GNAI1: variants seen among roughly 807,000 people sequenced by gnomAD.
The protein encoded by GNAI1 is G protein subunit alpha i1.
A neutral mutation model predicts 38.9 loss-of-function variants in GNAI1; 11 were observed. The observed-to-expected ratio is 0.28, with a 90% CI of 0.18 to 0.47. The LOEUF (loss-of-function observed/expected upper bound fraction) is 0.47. Ranked by LOEUF, GNAI1 falls within the 20% of genes least tolerant of loss-of-function variation. The probability of loss-of-function intolerance (pLI) is 0.99; values close to 1 mark genes in which losing one functional copy is unlikely to be tolerated. For synonymous variants in GNAI1, 166 were observed against 145.1 expected (o/e 1.14, Z -1.04); for missense variants, 317 against 436.9 (o/e 0.73, Z 2.45).
intron 1 of GNAI1, 23 bp from the exon 2 acceptor site, chr7:80,188,928 C>T (rs757171743): frequency 3.3e-6 from 5 of 1,524,856 alleles, no homozygotes; most frequent in Non-Finnish European, 4.5e-6. Flanking sequence ...AAATTAGAAA[C>T]CTTTTATGTT....
intron 1 of GNAI1, among the ~76,000 whole-genome samples, chr7:80,169,762 T>A (rs1045784775): frequency 3.3e-5 from 5 of 152,208 alleles, no homozygotes; most frequent in Non-Finnish European, 5.9e-5. Flanking sequence ...GTGCAGCCAT[T>A]ACCATAATCA....
chr7:80,188,896 AT>A, intron 1 of GNAI1, 54 bp from the exon 2 acceptor site: 1 of 1,102,560 alleles, frequency 9.1e-7, no homozygotes, highest in Non-Finnish European at 1.4e-6. Context: ...TGGGAGTTGA[AT>A]ATACTTAAGT....
intron 1 of GNAI1, among the ~76,000 whole-genome samples, chr7:80,145,680 A>G (rs763009335): frequency 2.0e-5 from 3 of 152,044 alleles, no homozygotes; most frequent in Non-Finnish European, 2.9e-5. Flanking sequence ...TACCTATTTC[A>G]TAGTCTGAAA....
intron 3 of GNAI1, among the ~76,000 whole-genome samples, chr7:80,198,193 G>A (rs1483520540): frequency 1.3e-5 from 2 of 151,668 alleles, no homozygotes. Context: ...ACTTTGAATT[G>A]AAATGGGCTG....
chr7:80,217,742 T>G lies in GNAI1; in HGVS notation c.*249T>G. 3.6e-6 allele frequency: 1 copy of G among 277,756 alleles called. No homozygotes were observed. The allele number at this position is 277,756 out of a possible 1,614,324, so 17.2% of individuals were successfully genotyped here. A position where few individuals can be genotyped will look rare whatever the true frequency, so the allele number is the denominator to read the frequency against. On this transcript the variant is annotated 3_prime_UTR_variant, in exon 8 of 8. Transcript: ENST00000649796. ...AGCTGGGCTCTAGTATATTGATGATTTCTGCATAAGTGTAAATATGCAAAT... is the reference window on the plus strand; with the variant it reads ...AGCTGGGCTCTAGTATATTGATGATGTCTGCATAAGTGTAAATATGCAAAT...
chr7:80,218,654 A>G lies in GNAI1; in HGVS notation c.*1161A>G, dbSNP rs886696417. On this transcript the variant is annotated 3_prime_UTR_variant, in exon 8 of 8. Coordinates refer to ENST00000649796, the MANE Select transcript of GNAI1 (RefSeq NM_002069.6). ...AATGTAATTATCACACTATGTTAAA[A>G]TTACTTTTTTCCCTTAGATAATTCA... 6.6e-6 allele frequency: 1 copy of G among 152,188 alleles called. No homozygotes were observed. Among genetic ancestry groups the G allele is most frequent in the Non-Finnish European group, 1.5e-5 (1 of 68,022 alleles). The allele number at this position is 152,188 out of a possible 1,614,324, so 9.4% of individuals were successfully genotyped here.
chr7:80,212,417 A>G (rs934370201), intron 6 of GNAI1, among the ~76,000 whole-genome samples: 2 of 152,186 alleles, frequency 1.3e-5, no homozygotes, highest in Non-Finnish European at 2.9e-5. Context: ...TTCTTTTCAC[A>G]TGTTCACACT....
chr7:80,150,217 G>GA (rs1787699741), intron 1 of GNAI1, among the ~76,000 whole-genome samples: 1 of 151,960 alleles, frequency 6.6e-6, no homozygotes, highest in South Asian at 2.1e-4. Context: ...CATGTACCAG[G>GA]AAAAATATTT....
intron 1 of GNAI1, among the ~76,000 whole-genome samples, chr7:80,162,765 A>G (rs986947390): frequency 6.6e-6 from 1 of 152,152 alleles, no homozygotes; most frequent in African/African-American, 2.4e-5. Context: ...ATTCAGCCAC[A>G]CACTGGGATT....
At position 80,219,956 on chromosome 7, in the gene GNAI1, T is replaced by A. The variant is rs1301430682; in HGVS notation, c.*2463T>A. On this transcript the variant is annotated 3_prime_UTR_variant, in exon 8 of 8. Transcript: ENST00000649796. Reference sequence around the variant, plus strand: ...CCTTTCTATTCCTACTACTACCTATTCAAGTCTTTGCTAAACTTCCTCTTA... The same window carrying A: ...CCTTTCTATTCCTACTACTACCTATACAAGTCTTTGCTAAACTTCCTCTTA... Among the ~76,000 whole-genome samples, 1 of 152,180 alleles carries A rather than the reference T, an allele frequency of 6.6e-6. No individual in the cohort carries two copies. The highest frequency in any genetic ancestry group is 1.5e-5 in the Non-Finnish European group (1 of 68,044).
rs1038676528 is a variant in GNAI1, at chr7:80,221,481, C to A, written c.*3988C>A. 6.6e-6 allele frequency among the ~76,000 whole-genome samples: 1 copy of A among 152,046 alleles called. No individual in the cohort carries two copies. Among genetic ancestry groups the A allele is most frequent in the Non-Finnish European group, 1.5e-5 (1 of 68,008 alleles). Reference sequence around the variant, plus strand: ...TGAAATGCCTCAAAAACAAAACTCTCATAATTCGTTTTCATAATGAAAACT... The same window carrying A: ...TGAAATGCCTCAAAAACAAAACTCTAATAATTCGTTTTCATAATGAAAACT... On this transcript the variant is annotated 3_prime_UTR_variant, in exon 8 of 8. Transcript: ENST00000649796.
chr7:80,188,551 A>C (rs2115630327), intron 1 of GNAI1, among the ~76,000 whole-genome samples: 1 of 152,328 alleles, frequency 6.6e-6, no homozygotes, highest in Admixed American at 6.5e-5. Flanking sequence ...GTTTTAAAGT[A>C]AATTTTAAAT....
At chr7:80,168,355 T>G (rs965360702) in intron 1 of GNAI1, among the ~76,000 whole-genome samples, 20 of 152,154 alleles carry the variant, frequency 1.3e-4, no homozygotes, top group African/African-American at 4.8e-4. Context: ...CGACAAAATA[T>G]ACATAATATT....
rs1435261702 is a variant in GNAI1 at position 80,221,935 on chromosome 7, C to T, written c.*4442C>T. Among the ~76,000 whole-genome samples the T allele has an allele frequency of 1.3e-5, 2 of 152,138 alleles. No homozygotes were observed. Among genetic ancestry groups the T allele is most frequent in the South Asian group, 2.1e-4 (1 of 4,814 alleles). ...GATTACAGACGTGAGCCACTGCGCC[C>T]AGCCAGTTTTCTTTTTTAGTTCTTT... On this transcript the variant is annotated 3_prime_UTR_variant, in exon 8 of 8. Coordinates refer to ENST00000649796, the MANE Select transcript of GNAI1 (RefSeq NM_002069.6).
At chr7:80,138,136 G>T (rs1192313654) in intron 1 of GNAI1, among the ~76,000 whole-genome samples, 1 of 151,996 alleles carries the variant, frequency 6.6e-6, no homozygotes, top group Admixed American at 6.6e-5. Flanking sequence ...CTCATCACAT[G>T]ATGTTTTTTA....
In GNAI1 at chr7:80,212,392, C is replaced by CT. The variant is rs1486384821; in HGVS notation, c.721-323dup. Among the ~76,000 whole-genome samples the CT allele has an allele frequency of 3.3e-5, 5 of 152,290 alleles. No individual in the cohort carries two copies. The East Asian group carries it at 9.6e-4, about 29-fold the overall frequency. On this transcript the variant is annotated intron_variant, in intron 6 of 7. Coordinates refer to ENST00000649796, the MANE Select transcript of GNAI1 (RefSeq NM_002069.6). Reference sequence around the variant, plus strand: ...AATGGAAATTTAGATGAAATGAACTCTATGACAATGTCATTTCTTTTCACA... The same window carrying CT: ...AATGGAAATTTAGATGAAATGAACTCTTATGACAATGTCATTTCTTTTCACA...
intron 1 of GNAI1, chr7:80,135,686 C>A (rs563273988): frequency 4.4e-6 from 1 of 225,542 alleles, no homozygotes; most frequent in African/African-American, 3.5e-5. Context: ...CCCGGAAAAC[C>A]CTTCTTCGTG....
At chr7:80,212,130 T>C (rs1225352535) in intron 6 of GNAI1, among the ~76,000 whole-genome samples, 1 of 152,098 alleles carries the variant, frequency 6.6e-6, no homozygotes, top group Admixed American at 6.5e-5. Context: ...ATCAAGTATA[T>C]GAAATTATAG....
intron 5 of GNAI1, 87 bp from the exon 6 acceptor site, chr7:80,210,882 T>C: frequency 1.7e-6 from 2 of 1,156,208 alleles, no homozygotes; most frequent in South Asian, 2.8e-5. Context: ...TCCACAACTA[T>C]TCAGAGCTTT....
Sources: allele counts gnomAD v4.1 joint callset (sites outside exome capture counted in the v4.1 genomes callset), GRCh38; gene constraint gnomAD v4.1.1; transcripts MANE v1.5; gene names NCBI Gene and HGNC (gene_info 2026-07-23, HGNC 2026-07-21).